Variants in SLC7A11 observed in about 807,000 individuals in gnomAD.
The protein encoded by SLC7A11 is cystine/glutamate transporter.
Under a neutral mutation model 54.5 loss-of-function variants are expected in SLC7A11, and 35 were observed. The observed-to-expected ratio is 0.64, with a 90% CI of 0.49 to 0.85. The LOEUF (loss-of-function observed/expected upper bound fraction) is 0.85, where lower values mean the gene tolerates loss of function less well. SLC7A11 is among the 40% of genes least tolerant of loss of function. SLC7A11 has a pLI of 0.00. For missense variants in SLC7A11, 583 were observed against 618.1 expected (o/e 0.94, Z 0.60); for synonymous variants, 230 against 225.2 (o/e 1.02, Z -0.19).
chr4:138,198,765 C>T (rs1356316242), intron 6 of SLC7A11, among the ~76,000 whole-genome samples: 4 of 152,036 alleles, frequency 2.6e-5, no homozygotes, highest in African/African-American at 9.7e-5. Flanking sequence ...TTTGCACCAA[C>T]CTAATACATT....
intron 6 of SLC7A11, among the ~76,000 whole-genome samples, chr4:138,201,494 A>T (rs1393519223): frequency 6.6e-6 from 1 of 152,116 alleles, no homozygotes; most frequent in Non-Finnish European, 1.5e-5. Context: ...CAATTATAAA[A>T]ATATTGTATG....
At chr4:138,223,433 C>G in intron 3 of SLC7A11, 109 bp from the exon 4 acceptor site, 1 of 1,155,786 alleles carries the variant, frequency 8.7e-7, no homozygotes. Context: ...GTTGACATTA[C>G]TTAGAAGTGT....
At chr4:138,227,086 A>T (rs1737963578) in intron 3 of SLC7A11, among the ~76,000 whole-genome samples, 1 of 152,190 alleles carries the variant, frequency 6.6e-6, no homozygotes, top group Admixed American at 6.5e-5. Flanking sequence ...TGATTTAAGG[A>T]CTGGCAAGTA....
At chr4:138,190,314 T>G (rs981658909) in intron 6 of SLC7A11, among the ~76,000 whole-genome samples, 4 of 152,130 alleles carry the variant, frequency 2.6e-5, no homozygotes, top group Non-Finnish European at 4.4e-5. Context: ...ATGTAAGATT[T>G]AAAACATAAA....
chr4:138,230,426 A>AG (rs1738047464), intron 3 of SLC7A11, among the ~76,000 whole-genome samples: 1 of 151,216 alleles, frequency 6.6e-6, no homozygotes, highest in Non-Finnish European at 1.5e-5. Context: ...AAAAAAAAAA[A>AG]GAAAAAATAA....
chr4:138,187,862 CT>C (rs961874375), intron 6 of SLC7A11, among the ~76,000 whole-genome samples: 7 of 151,506 alleles, frequency 4.6e-5, no homozygotes, highest in Admixed American at 2.0e-4. Flanking sequence ...CCTAAAAAAA[CT>C]TTTTTTTATA....
At chr4:138,179,554 A>G (rs953158916) in intron 10 of SLC7A11, among the ~76,000 whole-genome samples, 160 bp from the exon 11 acceptor site, 6 of 152,198 alleles carry the variant, frequency 3.9e-5, no homozygotes, top group African/African-American at 1.2e-4. Context: ...AATCTCTTTC[A>G]TGGTGCACAG....
intron 6 of SLC7A11, among the ~76,000 whole-genome samples, chr4:138,211,242 T>A (rs1267187096): frequency 6.6e-6 from 1 of 151,618 alleles, no homozygotes; most frequent in Non-Finnish European, 1.5e-5. Context: ...ACTACTAGAG[T>A]AAGGACGGCA....
Position 138,167,353 on chromosome 4 carries a change from T to C in SLC7A11, c.*4603A>G, listed in dbSNP as rs1383906115. The C allele has an allele frequency of 1.3e-5, 2 of 151,520 alleles. No individual in the cohort carries two copies. Among genetic ancestry groups the C allele is most frequent in the East Asian group, 1.9e-4 (1 of 5,150 alleles). The allele number at this position is 151,520 out of a possible 1,614,324, so 9.4% of individuals were successfully genotyped here. A position where few individuals can be genotyped will look rare whatever the true frequency, so the allele number is the denominator to read the frequency against. On this transcript the variant is annotated 3_prime_UTR_variant, in exon 12 of 12. Coordinates refer to ENST00000280612, the MANE Select transcript of SLC7A11 (RefSeq NM_014331.4). The stretch of plus-strand genomic sequence containing the variant: ...TTTTAGTTGAGACAGGGTTTCACCA[T>C]GTTGGCCAGGCTGATCTCGAACTCC...
intron 1 of SLC7A11, 118 bp downstream of exon 1, chr4:138,241,675 A>G (rs1738382588): frequency 2.5e-6 from 2 of 784,354 alleles, no homozygotes; most frequent in East Asian, 5.2e-5. Flanking sequence ...AAAAATTTTA[A>G]AAATTTGGTG....
intron 6 of SLC7A11, among the ~76,000 whole-genome samples, chr4:138,202,148 C>G (rs1737301730): frequency 6.6e-6 from 1 of 152,060 alleles, no homozygotes; most frequent in African/African-American, 2.4e-5. Context: ...ACAGAGGCTA[C>G]AGACCATTTT....
At position 138,182,341 on chromosome 4, in the gene SLC7A11, T is replaced by C; in HGVS notation, c.1072A>G (p.Ile358Val). The change falls in exon 9 of 12, where the codon ATT becomes GTT. Residue 358 changes from isoleucine to valine, a missense_variant. By Grantham distance (29) the Ile-to-Val change is conservative. Coordinates refer to ENST00000280612, the MANE Select transcript of SLC7A11 (RefSeq NM_014331.4). ...AGAGGAGTGTGCTTGCGGACATGAA[T>C]CATGGAGAGGATTTCTGGAAGGTGA... The part of the protein sequence containing the change: ...EGHLPEILSM[I>V]HVRKHTPLPA... 2 of 1,612,188 alleles carry C rather than the reference T, an allele frequency of 1.2e-6. No homozygotes were observed. The highest frequency in any genetic ancestry group is 1.1e-5 in the South Asian group (1 of 91,046).
chr4:138,182,178 C>A, intron 9 of SLC7A11, 119 bp downstream of exon 9: 1 of 622,002 alleles, frequency 1.6e-6, no homozygotes, highest in Non-Finnish European at 2.9e-6. Flanking sequence ...CAAACTCCAC[C>A]ATGACATACA....
chr4:138,175,288 T>G (rs763919229), intron 11 of SLC7A11, among the ~76,000 whole-genome samples: 2 of 152,144 alleles, frequency 1.3e-5, no homozygotes, highest in Non-Finnish European at 2.9e-5. Flanking sequence ...TGTTTCCCAG[T>G]CTGATTTTTT....
chr4:138,193,975 T>C (rs1737072074), intron 6 of SLC7A11, among the ~76,000 whole-genome samples: 1 of 152,192 alleles, frequency 6.6e-6, no homozygotes, highest in Admixed American at 6.5e-5. Context: ...CAAATGAAGC[T>C]AATGTTAGTA....
intron 6 of SLC7A11, among the ~76,000 whole-genome samples, chr4:138,214,348 C>A (rs1292534350): frequency 1.3e-5 from 2 of 151,324 alleles, no homozygotes; most frequent in African/African-American, 4.8e-5. Flanking sequence ...TAAAAGACAA[C>A]TTAGTATTGA....
intron 6 of SLC7A11, among the ~76,000 whole-genome samples, chr4:138,210,432 G>A (rs142404545): frequency 0.022 from 3,374 of 152,006 alleles, 53 homozygotes; most frequent in African/African-American, 0.034. Flanking sequence ...CACAGGAAAA[G>A]AAACTATCAA....
At chr4:138,241,653 AC>A in intron 1 of SLC7A11, 139 bp downstream of exon 1, 2 of 645,630 alleles carry the variant, frequency 3.1e-6, no homozygotes, top group Non-Finnish European at 5.4e-6. Context: ...TGGGTAGTTC[AC>A]GTACCCGAAC....
At chr4:138,174,511 G>A (rs1736517349) in intron 11 of SLC7A11, 1 of 152,240 alleles carries the variant, frequency 6.6e-6, no homozygotes, top group African/African-American at 2.4e-5. Flanking sequence ...CTTCTGCAGA[G>A]TAATTGATTT....
Sources: gnomAD v4.1 joint callset for allele counts (sites outside exome capture counted in the v4.1 genomes callset) on GRCh38, gnomAD v4.1.1 for gene constraint, MANE v1.5 for transcripts, NCBI Gene and HGNC (gene_info 2026-07-23, HGNC 2026-07-21) for gene names.